HAPLN1: variants seen among roughly 807,000 people sequenced by gnomAD.
HAPLN1 encodes the protein Cartilage link protein.
A neutral mutation model predicts 36.5 loss-of-function variants in HAPLN1; 13 were observed. The observed-to-expected ratio is 0.36, with a 90% CI of 0.23 to 0.57. The LOEUF (loss-of-function observed/expected upper bound fraction) is 0.57. Among genes scored for constraint, HAPLN1 ranks in the 20% least tolerant of loss-of-function variants. HAPLN1 has a pLI of 0.83. For missense variants in HAPLN1, 407 were observed against 439.7 expected (o/e 0.93, Z 0.66); for synonymous variants, 202 against 169.8 (o/e 1.19, Z -1.48).
intron 1 of HAPLN1, among the ~76,000 whole-genome samples, chr5:83,703,955 C>A (rs373707821): frequency 6.7e-6 from 1 of 150,024 alleles, no homozygotes; most frequent in African/African-American, 2.5e-5. Context: ...ATCAGATTTT[C>A]GAAGATTAAA....
chr5:83,652,185 C>A, intron 3 of HAPLN1: 1 of 403,872 alleles, frequency 2.5e-6, no homozygotes, highest in South Asian at 1.1e-4. Context: ...TAACATAAGG[C>A]AGTATCTGAA....
intron 1 of HAPLN1, chr5:83,703,629 T>A (rs140017587): frequency 3.3e-5 from 5 of 152,096 alleles, no homozygotes; most frequent in African/African-American, 1.2e-4. Context: ...ACAGTCAGAC[T>A]TATGAGGACT....
chr5:83,706,049 A>G (rs1012492496), intron 1 of HAPLN1, among the ~76,000 whole-genome samples: 1 of 151,812 alleles, frequency 6.6e-6, no homozygotes, highest in Non-Finnish European at 1.5e-5. Context: ...TGATTCCCTG[A>G]AAAAGACCAA....
rs1427628022 is a variant in HAPLN1 at position 83,640,350 on chromosome 5, G to A, written c.*1146C>T. On this transcript the variant is annotated 3_prime_UTR_variant, in exon 5 of 5. Transcript: ENST00000274341. Reference sequence around the variant, plus strand: ...ATTTAAGCCTAATGATGACCAGCAAGGAAAGTGACATCATTAACCACATTT... The same window carrying A: ...ATTTAAGCCTAATGATGACCAGCAAAGAAAGTGACATCATTAACCACATTT... 1.3e-5 allele frequency: 2 copies of A among 152,084 alleles called. No individual in the cohort carries two copies. The highest frequency in any genetic ancestry group is 6.5e-5 in the Admixed American group (1 of 15,272). The allele number at this position is 152,084 out of a possible 1,614,324, so 9.4% of individuals were successfully genotyped here.
chr5:83,698,391 G>A (rs1227343724), intron 1 of HAPLN1, among the ~76,000 whole-genome samples: 1 of 151,830 alleles, frequency 6.6e-6, no homozygotes, highest in Non-Finnish European at 1.5e-5. Context: ...ATCTGCTATC[G>A]ATTTTTAAAA....
chr5:83,684,242 G>T (rs749057046), intron 1 of HAPLN1, among the ~76,000 whole-genome samples: 10 of 152,054 alleles, frequency 6.6e-5, no homozygotes, highest in African/African-American at 1.9e-4. Context: ...TATGTACTGT[G>T]CCAAATGAAG....
intron 2 of HAPLN1, among the ~76,000 whole-genome samples, chr5:83,659,383 G>A (rs1750317373): frequency 6.6e-6 from 1 of 152,098 alleles, no homozygotes; most frequent in South Asian, 2.1e-4. Context: ...TACCATTTAT[G>A]AGAATTCAAA....
rs369614539 is a variant in HAPLN1, at chr5:83,715,868, G to T, written c.-27+4921C>A. On this transcript the variant is annotated intron_variant, in intron 1 of 4. Transcript: ENST00000274341. ...CAAAACTATGAGGCCAGAACTTTTT[G>T]GTTATTTTTGTTACTCAAAGTACAT... 5.5e-4 allele frequency among the ~76,000 whole-genome samples: 84 copies of T among 152,154 alleles called. 2 individuals carry two copies. The South Asian group carries it at 0.017, about 30-fold the overall frequency.
intron 2 of HAPLN1, among the ~76,000 whole-genome samples, chr5:83,672,504 G>C (rs1433358108): frequency 1.3e-5 from 2 of 152,138 alleles, no homozygotes; most frequent in African/African-American, 4.8e-5. Flanking sequence ...TTCTATTTTG[G>C]TAGTCATAAT....
At chr5:83,682,141 G>C (rs1033988835) in intron 1 of HAPLN1, among the ~76,000 whole-genome samples, 1 of 152,102 alleles carries the variant, frequency 6.6e-6, no homozygotes, top group Non-Finnish European at 1.5e-5. Context: ...TTCAACAGCT[G>C]TCAGTTAAAC....
At chr5:83,717,711 T>C (rs551152916) in intron 1 of HAPLN1, among the ~76,000 whole-genome samples, 70 of 152,352 alleles carry the variant, frequency 4.6e-4, no homozygotes, top group African/African-American at 1.4e-3. Context: ...GTTTTCCATG[T>C]AATTGTTTTT....
chr5:83,690,084 C>A (rs1751236943), intron 1 of HAPLN1, among the ~76,000 whole-genome samples: 1 of 152,020 alleles, frequency 6.6e-6, no homozygotes, highest in Non-Finnish European at 1.5e-5. Flanking sequence ...AGGAGGCAAT[C>A]TTCAGTTTAC....
At chr5:83,718,795 GA>G (rs762631639) in intron 1 of HAPLN1, among the ~76,000 whole-genome samples, 2 of 152,070 alleles carry the variant, frequency 1.3e-5, no homozygotes, top group African/African-American at 4.8e-5. Flanking sequence ...AATGCAATCT[GA>G]AAAATAAAAT....
rs1312398568 is a variant in HAPLN1, at chr5:83,652,480, T to C, written c.445A>G (p.Thr149Ala). ...TGTAAGTCCAGTGCTACCACAACAG[T>C]ATCATCTTCTAATCCTTCAATCACC... ...CEVIEGLEDD[T>A]VVVALDLQGV... The change falls in exon 3 of 5, where the codon ACT (threonine) becomes GCT (alanine). Residue 149 changes from threonine to alanine, a missense_variant. Physicochemically the swap from Thr to Ala is moderately conservative, Grantham distance 58. Coordinates refer to ENST00000274341, the MANE Select transcript of HAPLN1 (RefSeq NM_001884.4). 3.7e-6 allele frequency: 6 copies of C among 1,613,968 alleles called. No homozygotes were observed. Among genetic ancestry groups the C allele is most frequent in the Non-Finnish European group, 5.1e-6 (6 of 1,179,896 alleles).
At chr5:83,698,903 T>C (rs903898354) in intron 1 of HAPLN1, among the ~76,000 whole-genome samples, 2 of 152,208 alleles carry the variant, frequency 1.3e-5, no homozygotes, top group Non-Finnish European at 2.9e-5. Flanking sequence ...ATTTTTCGAA[T>C]ACGGTATCGT....
chr5:83,717,197 C>G (rs1376158524), intron 1 of HAPLN1, among the ~76,000 whole-genome samples: 1 of 151,864 alleles, frequency 6.6e-6, no homozygotes, highest in Non-Finnish European at 1.5e-5. Flanking sequence ...TGTTTTTTTC[C>G]TGGTAGATAA....
intron 3 of HAPLN1, among the ~76,000 whole-genome samples, chr5:83,645,118 G>T (rs1460417351): frequency 8.4e-6 from 1 of 119,360 alleles, no homozygotes; most frequent in African/African-American, 3.6e-5. Flanking sequence ...TAAGAGCGGA[G>T]GGGATGTAGT....
At chr5:83,648,387 A>G (rs1431597385) in intron 3 of HAPLN1, among the ~76,000 whole-genome samples, 1 of 107,344 alleles carries the variant, frequency 9.3e-6, no homozygotes, top group Non-Finnish European at 1.9e-5. Flanking sequence ...GCCTCTTCCT[A>G]TATTTGACTA....
intron 1 of HAPLN1, among the ~76,000 whole-genome samples, chr5:83,681,633 G>A (rs893090595): frequency 5.3e-5 from 8 of 151,800 alleles, no homozygotes; most frequent in Non-Finnish European, 8.8e-5. Flanking sequence ...ACCTCGGCTC[G>A]CCAAGTAGCT....
Sources: gnomAD v4.1 joint callset for allele counts (sites outside exome capture counted in the v4.1 genomes callset) on GRCh38, gnomAD v4.1.1 for gene constraint, MANE v1.5 for transcripts, NCBI Gene and HGNC (gene_info 2026-07-23, HGNC 2026-07-21) for gene names.